The following PLD5 variants were observed in gnomAD, a reference collection of about 807,000 sequenced individuals.
PLD5 encodes inactive phospholipase D5.
PLD5 carries 36 observed loss-of-function variants against 61.1 expected under a neutral mutation model. That is an observed-to-expected ratio of 0.59 (90% CI 0.45 to 0.78). The LOEUF (loss-of-function observed/expected upper bound fraction) is 0.78. PLD5 is among the 30% of genes least tolerant of loss of function. PLD5 has a pLI of 0.00. For missense variants in PLD5, 515 were observed against 644.4 expected (o/e 0.80, Z 2.17); for synonymous variants, 243 against 242.8 (o/e 1.00, Z -0.01).
intron 6 of PLD5, among the ~76,000 whole-genome samples, chr1:242,119,965 T>G (rs1388142155): frequency 1.3e-5 from 2 of 152,230 alleles, no homozygotes; most frequent in East Asian, 3.9e-4. Context: ...GTGTGGAATA[T>G]CCATACAATG....
At chr1:242,265,551 G>A (rs1574635564) in intron 3 of PLD5, 103 bp from the exon 4 acceptor site, 2 of 1,038,120 alleles carry the variant, frequency 1.9e-6, no homozygotes, top group East Asian at 2.7e-5. Context: ...TCGTTCAAAT[G>A]TTAAAAAGTC....
intron 1 of PLD5, among the ~76,000 whole-genome samples, chr1:242,364,528 C>T (rs1192080503): frequency 6.6e-6 from 1 of 151,952 alleles, no homozygotes; most frequent in Admixed American, 6.6e-5. Context: ...ACCAGCCTGG[C>T]CAACATGGTG....
At chr1:242,267,759 C>T (rs754242265) in intron 3 of PLD5, among the ~76,000 whole-genome samples, 35 of 149,136 alleles carry the variant, frequency 2.3e-4, no homozygotes, top group East Asian at 4.0e-4. Flanking sequence ...TGATGGTGCA[C>T]GCCTGTAGTC....
At chr1:242,176,404 C>T (rs1386371114) in intron 5 of PLD5, among the ~76,000 whole-genome samples, 2 of 152,044 alleles carry the variant, frequency 1.3e-5, no homozygotes, top group Non-Finnish European at 2.9e-5. Context: ...TGACGCTGTA[C>T]CCCTTCCTTA....
At chr1:242,123,515 A>T (rs1422268496) in intron 6 of PLD5, among the ~76,000 whole-genome samples, 2 of 152,028 alleles carry the variant, frequency 1.3e-5, no homozygotes, top group East Asian at 3.9e-4. Flanking sequence ...GGGACCACTC[A>T]CACACACATT....
At chr1:242,378,497 G>A (rs578123402) in intron 1 of PLD5, among the ~76,000 whole-genome samples, 26 of 152,184 alleles carry the variant, frequency 1.7e-4, no homozygotes, top group African/African-American at 5.5e-4. Flanking sequence ...ACTTAAAATG[G>A]TTAAAATGGT....
chr1:242,407,552 GGTT>G (rs1664302178), intron 1 of PLD5, among the ~76,000 whole-genome samples: 2 of 114,462 alleles, frequency 1.7e-5, no homozygotes, highest in South Asian at 5.4e-4. Flanking sequence ...TTTTTGTTGT[GGTT>G]GTTTTGTTTT....
At chr1:242,238,386 C>T (rs566865052) in intron 4 of PLD5, among the ~76,000 whole-genome samples, 1 of 152,276 alleles carries the variant, frequency 6.6e-6, no homozygotes, top group Admixed American at 6.5e-5. Flanking sequence ...AGCCCAGCTG[C>T]CCTATTGTTG....
At chr1:242,101,421 G>A (rs1660677730) in intron 8 of PLD5, among the ~76,000 whole-genome samples, 1 of 152,310 alleles carries the variant, frequency 6.6e-6, no homozygotes, top group African/African-American at 2.4e-5. Flanking sequence ...CTGAAAGAAG[G>A]GGGATGACTG....
At position 242,356,795 on chromosome 1, in the gene PLD5, T is replaced by C. The variant is rs369328645; in HGVS notation, c.190-8553A>G. Among the ~76,000 whole-genome samples, 9 of 152,248 alleles carry C rather than the reference T, an allele frequency of 5.9e-5. No homozygotes were observed. In the East Asian group the frequency reaches 1.3e-3, roughly 23 times the overall value. ...AAACTGATAACAGCTTAACTTTGATTACATGTAACAATTCTGCACTTTTAC... is the reference window on the plus strand; with the variant it reads ...AAACTGATAACAGCTTAACTTTGATCACATGTAACAATTCTGCACTTTTAC... On this transcript the variant is annotated intron_variant, in intron 1 of 9. Transcript: ENST00000536534.
At position 242,293,621 on chromosome 1, in the gene PLD5, T is replaced by C. The variant is rs184145963; in HGVS notation, c.327-5091A>G. ...GGTCTTAGAACACATCCTCTGAGGA[T>C]AAGTAGGGACTACTGTATTACCGTT... On this transcript the variant is annotated intron_variant, in intron 2 of 9. Coordinates refer to ENST00000536534, the MANE Select transcript of PLD5 (RefSeq NM_001372062.1). Among the ~76,000 whole-genome samples, 582 of 152,322 alleles carry C rather than the reference T, an allele frequency of 3.8e-3. 3 individuals carry two copies. Among genetic ancestry groups the C allele is most frequent in the African/African-American group, 0.013 (521 of 41,578 alleles).
chr1:242,341,916 C>A (rs561463238), intron 2 of PLD5, among the ~76,000 whole-genome samples: 1 of 149,208 alleles, frequency 6.7e-6, no homozygotes, highest in Non-Finnish European at 1.5e-5. Flanking sequence ...CAGCCTAGAC[C>A]GGTAGCCACC....
At chr1:242,211,253 C>T (rs1436787263) in intron 5 of PLD5, among the ~76,000 whole-genome samples, 1 of 152,168 alleles carries the variant, frequency 6.6e-6, no homozygotes, top group Admixed American at 6.5e-5. Context: ...ACACACAAAC[C>T]TTCTTGGAAG....
chr1:242,280,763 A>G (rs1674678670), intron 3 of PLD5, among the ~76,000 whole-genome samples: 1 of 152,248 alleles, frequency 6.6e-6, no homozygotes, highest in Non-Finnish European at 1.5e-5. Context: ...AAGAAATTTT[A>G]ATTAAATATT....
At chr1:242,350,793 T>C (rs1331547278) in intron 1 of PLD5, among the ~76,000 whole-genome samples, 1 of 152,150 alleles carries the variant, frequency 6.6e-6, no homozygotes, top group East Asian at 1.9e-4. Flanking sequence ...TATATTTTCT[T>C]ACTCCTCCCT....
At chr1:242,506,766 A>G (rs1309791343) in intron 1 of PLD5, among the ~76,000 whole-genome samples, 2 of 152,182 alleles carry the variant, frequency 1.3e-5, no homozygotes, top group Non-Finnish European at 2.9e-5. Context: ...GTGTGGAGCG[A>G]AATACTGGAC....
rs532744721 is a variant in PLD5, at chr1:242,087,194, T to C, written c.*2660A>G. On this transcript the variant is annotated 3_prime_UTR_variant, in exon 10 of 10. Coordinates refer to ENST00000536534, the MANE Select transcript of PLD5 (RefSeq NM_001372062.1). ...GCCACAGAAGGACAGTGTGGCCCCA[T>C]GGAGTCACCACCGCTGCCCAGACTC... 1 of 152,316 alleles carries C rather than the reference T, an allele frequency of 6.6e-6. No individual in the cohort carries two copies. The highest frequency in any genetic ancestry group is 2.1e-4 in the South Asian group (1 of 4,824). 9.4% of individuals were successfully genotyped at this position (152,316 alleles called of 1,614,324 possible).
At chr1:242,344,996 G>C (rs1558482563) in intron 2 of PLD5, among the ~76,000 whole-genome samples, 1 of 152,198 alleles carries the variant, frequency 6.6e-6, no homozygotes, top group Non-Finnish European at 1.5e-5. Flanking sequence ...AAACCCATCA[G>C]ATCTCGTGAG....
chr1:242,334,523 G>A (rs1330169021), intron 2 of PLD5, among the ~76,000 whole-genome samples: 2 of 152,160 alleles, frequency 1.3e-5, no homozygotes, highest in Admixed American at 1.3e-4. Context: ...GTTGGACAAC[G>A]TAGCAGACAT....
Sources: gnomAD v4.1 joint callset for allele counts (sites outside exome capture counted in the v4.1 genomes callset) on GRCh38, gnomAD v4.1.1 for gene constraint, MANE v1.5 for transcripts, NCBI Gene and HGNC (gene_info 2026-07-23, HGNC 2026-07-21) for gene names.